Variants in FBXO4 observed in about 807,000 individuals in gnomAD.
FBXO4 encodes F-box only protein 4.
In FBXO4, 36 loss-of-function variants were observed where a neutral mutation model predicts 43.7. The observed-to-expected ratio is 0.82, with a 90% CI of 0.63 to 1.09. The LOEUF (loss-of-function observed/expected upper bound fraction) is 1.09. Among genes scored for constraint, FBXO4 ranks in the 50% least tolerant of loss-of-function variants. The probability of loss-of-function intolerance (pLI) is 0.00; values close to 1 mark genes in which losing one functional copy is unlikely to be tolerated. For synonymous variants in FBXO4, 180 were observed against 165.6 expected (o/e 1.09, Z -0.67); for missense variants, 435 against 474.1 (o/e 0.92, Z 0.77).
chr5:42,012,700 A>G, the FBXO4 span, among the ~76,000 whole-genome samples: 6 of 152,170 alleles, frequency 3.9e-5, no homozygotes, highest in African/African-American at 1.4e-4. Context: ...ACCAGAAGTC[A>G]GTGCTGTCTG....
At chr5:41,935,767 A>G (rs1410513784) in intron 5 of FBXO4, among the ~76,000 whole-genome samples, 2 of 152,234 alleles carry the variant, frequency 1.3e-5, no homozygotes, top group Non-Finnish European at 2.9e-5. Context: ...ACAGCAGACT[A>G]CTGCAGGGAT....
At chr5:41,943,645 T>G (rs1752036278), downstream of FBXO4, among the ~76,000 whole-genome samples, 1 of 152,278 alleles carries the variant, frequency 6.6e-6, no homozygotes, top group South Asian at 2.1e-4. Context: ...ATATAAAAAG[T>G]GTCACTGTTT....
the FBXO4 span, among the ~76,000 whole-genome samples, chr5:42,027,092 A>G: frequency 1.1e-4 from 17 of 151,680 alleles, no homozygotes; most frequent in South Asian, 4.1e-4. Flanking sequence ...CCCTCCTCCT[A>G]TGTTTTTTGG....
At chr5:42,031,515 C>T in the FBXO4 span, among the ~76,000 whole-genome samples, 2 of 150,564 alleles carry the variant, frequency 1.3e-5, no homozygotes, top group South Asian at 2.1e-4. Flanking sequence ...TGCTAAATGA[C>T]GAGTTAATGG....
chr5:41,986,074 T>C, the FBXO4 span, among the ~76,000 whole-genome samples: 2 of 152,140 alleles, frequency 1.3e-5, no homozygotes, highest in African/African-American at 4.8e-5. Context: ...AATTCACTTG[T>C]GGTAGTAATA....
the FBXO4 span, among the ~76,000 whole-genome samples, chr5:42,022,837 G>A: frequency 4.0e-5 from 6 of 151,864 alleles, no homozygotes; most frequent in African/African-American, 1.5e-4. Context: ...TGGAGATGAG[G>A]GAGAAAAGAG....
the FBXO4 span, among the ~76,000 whole-genome samples, chr5:41,947,996 C>T: frequency 6.6e-6 from 1 of 152,126 alleles, no homozygotes; most frequent in African/African-American, 2.4e-5. Context: ...TAAAAAAGTT[C>T]TGTAGCTGCA....
chr5:42,033,542 C>T, the FBXO4 span, among the ~76,000 whole-genome samples: 1 of 152,070 alleles, frequency 6.6e-6, no homozygotes, highest in African/African-American at 2.4e-5. Flanking sequence ...TCTTTCTCCC[C>T]TCGCCTCCCA....
chr5:41,945,055 T>C (rs1186765591), downstream of FBXO4, among the ~76,000 whole-genome samples: 1 of 152,218 alleles, frequency 6.6e-6, no homozygotes, highest in Admixed American at 6.5e-5. Context: ...TAATTTTATT[T>C]CTAAGATCTT....
At chr5:41,999,491 ATACATATATATATG>A in the FBXO4 span, among the ~76,000 whole-genome samples, 1 of 76,554 alleles carries the variant, frequency 1.3e-5, no homozygotes, top group African/African-American at 5.9e-5. Flanking sequence ...ATATATATAT[ATACATATATATATG>A]TGTATATATA....
At chr5:41,964,132 T>A in the FBXO4 span, among the ~76,000 whole-genome samples, 1 of 152,244 alleles carries the variant, frequency 6.6e-6, no homozygotes, top group Non-Finnish European at 1.5e-5. Context: ...TCTAGAAAGA[T>A]GTAATTTTCA....
chr5:41,925,703 G>T (rs935230185), intron 1 of FBXO4, among the ~76,000 whole-genome samples: 3 of 151,984 alleles, frequency 2.0e-5, no homozygotes, highest in African/African-American at 7.2e-5. Flanking sequence ...TCCGCAGGGG[G>T]CCCGAACATC....
At chr5:41,993,743 G>A in the FBXO4 span, among the ~76,000 whole-genome samples, 1 of 151,876 alleles carries the variant, frequency 6.6e-6, no homozygotes, top group African/African-American at 2.4e-5. Context: ...GAGGAGCAAG[G>A]AGAGTCAGTT....
chr5:42,008,822 CTG>C, the FBXO4 span, among the ~76,000 whole-genome samples: 2 of 152,116 alleles, frequency 1.3e-5, no homozygotes, highest in East Asian at 3.9e-4. Flanking sequence ...AAGCTGATCT[CTG>C]TTCCAACACT....
the FBXO4 span, among the ~76,000 whole-genome samples, chr5:41,983,940 T>G: frequency 6.6e-5 from 10 of 152,096 alleles, no homozygotes; most frequent in Admixed American, 5.9e-4. Context: ...TCTCATTATT[T>G]GGCCACACTT....
chr5:41,948,238 C>G, the FBXO4 span, among the ~76,000 whole-genome samples: 1 of 151,618 alleles, frequency 6.6e-6, no homozygotes, highest in African/African-American at 2.4e-5. Context: ...CAGGTTCACA[C>G]CATTCTCCTG....
intron 1 of FBXO4, 102 bp downstream of exon 1, chr5:41,925,600 C>T: frequency 1.1e-6 from 1 of 874,912 alleles, no homozygotes; most frequent in Non-Finnish European, 1.5e-6. Context: ...GCGCCCCGGC[C>T]TGGGTCTGGC....
chr5:41,984,092 A>G, the FBXO4 span, among the ~76,000 whole-genome samples: 1 of 152,156 alleles, frequency 6.6e-6, no homozygotes, highest in Non-Finnish European at 1.5e-5. Flanking sequence ...CAAATAGTAA[A>G]TAAATATAGT....
At chr5:41,947,229 A>T in the FBXO4 span, among the ~76,000 whole-genome samples, 1 of 152,244 alleles carries the variant, frequency 6.6e-6, no homozygotes, top group African/African-American at 2.4e-5. Flanking sequence ...ATGAAAAAAG[A>T]TCATGATGTA....
Sources: gnomAD v4.1 joint callset for allele counts (sites outside exome capture counted in the v4.1 genomes callset) on GRCh38, gnomAD v4.1.1 for gene constraint, MANE v1.5 for transcripts, NCBI Gene and HGNC (gene_info 2026-07-23, HGNC 2026-07-21) for gene names.